The following RPS11 variants were observed in gnomAD, a reference collection of about 807,000 sequenced individuals.
RPS11 encodes small ribosomal subunit protein uS17.
For missense variants in RPS11, 127 were observed against 211.4 expected, an observed-to-expected ratio of 0.60 and a Z score of 2.48; for synonymous variants, 107 against 78.0, an observed-to-expected ratio of 1.37 and a Z score of -1.96.
In RPS11 at chr19:49,497,315, C is replaced by T. The variant is rs763178662; in HGVS notation, c.137C>T (p.Thr46Ile). Residue 46 changes from threonine to isoleucine, a missense_variant, in exon 2 of 5, where the codon ACA (threonine) becomes ATA (isoleucine). Transcript: ENST00000270625. Reference protein sequence around the residue: ...YYKNIGLGFKTPKEAIEGTYI... With the variant: ...YYKNIGLGFKIPKEAIEGTYI... Reference sequence around the variant, plus strand: ...AAGAACATCGGTCTGGGCTTCAAGACACCCAAGGAGGTGCGGGGAACCTCA... The same window carrying T: ...AAGAACATCGGTCTGGGCTTCAAGATACCCAAGGAGGTGCGGGGAACCTCA... The T allele has an allele frequency of 5.0e-6, 8 of 1,614,000 alleles. No homozygotes were observed. Among genetic ancestry groups the T allele is most frequent in the Middle Eastern group, 1.6e-4 (1 of 6,084 alleles).
Position 49,497,462 on chromosome 19 carries a change from G to A in RPS11, c.148-58G>A, listed in dbSNP as rs992951197. 1.3e-5 allele frequency: 21 copies of A among 1,598,726 alleles called. No homozygotes were observed. The East Asian group carries it at 3.8e-4, about 29-fold the overall frequency. On this transcript the variant is annotated intron_variant, in intron 2 of 4. Coordinates refer to ENST00000270625, the MANE Select transcript of RPS11 (RefSeq NM_001015.5). ...TTGCTTCCCTGAGGCCACGCCCCTG[G>A]CTCTTTTAAGGAACCGCCCGCCCAA...
chr19:49,498,434 A>C (rs1224860702), intron 4 of RPS11, among the ~76,000 whole-genome samples: 3 of 152,204 alleles, frequency 2.0e-5, no homozygotes, highest in Admixed American at 2.0e-4. Context: ...TGGAAAGCAA[A>C]GGTGTCACGC....
At chr19:49,497,747 T>C in intron 3 of RPS11, 152 bp downstream of exon 3, 3 of 1,152,950 alleles carry the variant, frequency 2.6e-6, no homozygotes, top group Non-Finnish European at 3.9e-6. Flanking sequence ...TTCACGATGG[T>C]CTTCAGATGC....
chr19:49,498,660 G>A (rs182225292), intron 4 of RPS11, among the ~76,000 whole-genome samples: 50 of 152,248 alleles, frequency 3.3e-4, no homozygotes, highest in Admixed American at 8.5e-4. Flanking sequence ...TGGGGTGGGA[G>A]GATTGCTTGA....
rs751510079 is a variant in RPS11 at position 49,496,461 on chromosome 19, C to G, written c.5C>G (p.Ala2Gly). 1 of 1,611,798 alleles carries G rather than the reference C, an allele frequency of 6.2e-7. No individual in the cohort carries two copies. The highest frequency in any genetic ancestry group is 1.1e-5 in the South Asian group (1 of 91,016). ...TTTTTTCAGGCGGCCGGGAAGATGG[C>G]GGACATTCAGGTGCGGACTCGGGGT... M[A>G]DIQTERAYQK... Residue 2 changes from alanine to glycine, a missense_variant, in exon 1 of 5, where the codon GCG becomes GGG. Ala to Gly is a moderately conservative substitution (Grantham distance 60). Coordinates refer to ENST00000270625, the MANE Select transcript of RPS11 (RefSeq NM_001015.5).
At chr19:49,498,109 G>A (rs2079916651) in intron 4 of RPS11, 63 bp downstream of exon 4, 14 of 1,597,292 alleles carry the variant, frequency 8.8e-6, no homozygotes, top group Admixed American at 1.7e-5. Context: ...ATTCCAGATC[G>A]GACCAATTTA....
In RPS11 at chr19:49,499,391, C is replaced by T; in HGVS notation, c.354-121C>T. ...GGACAGGTTGAATTGGCGAGTAGAG[C>T]TTGGTTGGGGTTTGGTGGAGCCGAA... On this transcript the variant is annotated intron_variant, in intron 4 of 4. Coordinates refer to ENST00000270625, the MANE Select transcript of RPS11 (RefSeq NM_001015.5). 6 of 1,073,280 alleles carry T rather than the reference C, an allele frequency of 5.6e-6. No homozygotes were observed. The South Asian group carries it at 7.8e-5, about 14-fold the overall frequency. The allele number at this position is 1,073,280 out of a possible 1,614,324, so 66.5% of individuals were successfully genotyped here.
intron 3 of RPS11, 100 bp from the exon 4 acceptor site, chr19:49,497,817 T>G (rs1168478988): frequency 6.5e-7 from 1 of 1,539,088 alleles, no homozygotes; most frequent in South Asian, 1.1e-5. Flanking sequence ...TGGGGCTTTT[T>G]GGGATCCCTG....
intron 4 of RPS11, 62 bp downstream of exon 4, chr19:49,498,108 C>G (rs1278399188): frequency 1.3e-6 from 2 of 1,597,506 alleles, no homozygotes; most frequent in Admixed American, 1.7e-5. Flanking sequence ...GATTCCAGAT[C>G]GGACCAATTT....
At chr19:49,499,397 T>G in intron 4 of RPS11, 115 bp from the exon 5 acceptor site, 1 of 1,145,922 alleles carries the variant, frequency 8.7e-7, no homozygotes, top group South Asian at 1.5e-5. Flanking sequence ...AGAGCTTGGT[T>G]GGGGTTTGGT....
Position 49,497,613 on chromosome 19 carries a change from T to A in RPS11, c.223+18T>A. 1.9e-6 allele frequency: 3 copies of A among 1,608,432 alleles called. No homozygotes were observed. Among genetic ancestry groups the A allele is most frequent in the Non-Finnish European group, 2.6e-6 (3 of 1,174,828 alleles). ...CCTCTCTGGTAAGTGCGGGAGTTAC[T>A]GGTGTCTGGGGCCTGAAATACTGAA... On this transcript the variant is annotated intron_variant, in intron 3 of 4. Transcript: ENST00000270625.
chr19:49,496,434 C>CT lies in RPS11; in HGVS notation c.-16dup, dbSNP rs1281603706. ...GAAACCCGGACGCTGCTGCCCCTTTCTTTTTTTCAGGCGGCCGGGAAGATG... is the reference window on the plus strand; with the variant it reads ...GAAACCCGGACGCTGCTGCCCCTTTCTTTTTTTTCAGGCGGCCGGGAAGATG... On this transcript the variant is annotated 5_prime_UTR_variant, in exon 1 of 5. Coordinates refer to ENST00000270625, the MANE Select transcript of RPS11 (RefSeq NM_001015.5). 1.1e-5 allele frequency: 18 copies of CT among 1,612,338 alleles called. No individual in the cohort carries two copies. Among genetic ancestry groups the CT allele is most frequent in the Admixed American group, 1.0e-4 (6 of 59,914 alleles).
chr19:49,496,619 C>G lies in RPS11; in HGVS notation c.15+148C>G, dbSNP rs887976111. The G allele has an allele frequency of 1.1e-5, 9 of 849,508 alleles. No homozygotes were observed. In the African/African-American group the frequency reaches 1.1e-4, roughly 10 times the overall value. 52.6% of individuals were successfully genotyped at this position (849,508 alleles called of 1,614,324 possible). On this transcript the variant is annotated intron_variant, in intron 1 of 4. Transcript: ENST00000270625. ...TAGAGATTAACTGGAGTGGAGGGCG[C>G]TTGCTTTTGTTTCTAGATGAGTGCT...
Position 49,497,972 on chromosome 19 carries a change from G to C in RPS11, c.279G>C (p.Leu93=), listed in dbSNP as rs1601173423. ...CCATTGTCATCCGCCGAGACTATCT[G>C]CACTACATCCGCAAGTACAACCGCT... ...QRTIVIRRDY[L]HYIRKYNRFE... The change falls in exon 4 of 5, where the codon CTG becomes CTC. Residue 93 remains leucine (L), a synonymous_variant. Transcript: ENST00000270625. 1 of 1,614,114 alleles carries C rather than the reference G, an allele frequency of 6.2e-7. No homozygotes were observed. The highest frequency in any genetic ancestry group is 8.5e-7 in the Non-Finnish European group (1 of 1,180,012).
chr19:49,496,521 A>G, intron 1 of RPS11, 50 bp downstream of exon 1: 1 of 1,564,306 alleles, frequency 6.4e-7, no homozygotes, highest in Non-Finnish European at 8.7e-7. Context: ...CTTGGCCTTC[A>G]GGGGCGCGTC....
At chr19:49,497,108 T>G (rs1293439778) in intron 1 of RPS11, 86 bp from the exon 2 acceptor site, 1 of 1,506,726 alleles carries the variant, frequency 6.6e-7, no homozygotes, top group Non-Finnish European at 9.1e-7. Flanking sequence ...GCATGGGGTC[T>G]GGGAGGTTCT....
Position 49,497,184 on chromosome 19 carries a change from TA to T in RPS11, c.16-8del, listed in dbSNP as rs60678426. The T allele has an allele frequency of 7.6e-3, 12,311 of 1,613,136 alleles. 780 individuals carry two copies. The African/African-American group carries it at 0.14, about 19-fold the overall frequency. ...TAGCAGCTCATCAGTTTTCTCCTCA[TA>T]ATCTGTAGACTGAGCGTGCCTACCA... On this transcript the variant is annotated splice_polypyrimidine_tract_variant and intron_variant, in intron 1 of 4. Coordinates refer to ENST00000270625, the MANE Select transcript of RPS11 (RefSeq NM_001015.5).
intron 4 of RPS11, chr19:49,498,340 A>C: frequency 2.4e-6 from 1 of 411,014 alleles, no homozygotes; most frequent in Middle Eastern, 7.6e-4. Context: ...TTTCATATAC[A>C]CCTTATTCAC....
At chr19:49,496,838 TAAG>T (rs1190966208) in intron 1 of RPS11, among the ~76,000 whole-genome samples, 1 of 152,102 alleles carries the variant, frequency 6.6e-6, no homozygotes, top group East Asian at 1.9e-4. Context: ...ATGTACTACA[TAAG>T]GAGTGAATCC....
Sources: allele counts gnomAD v4.1 joint callset (sites outside exome capture counted in the v4.1 genomes callset), GRCh38; gene constraint gnomAD v4.1.1; transcripts MANE v1.5; gene names NCBI Gene and HGNC (gene_info 2026-07-23, HGNC 2026-07-21).